Variants in GPHN observed in about 807,000 individuals in gnomAD.
GPHN encodes the protein gephyrin.
In GPHN, 17 loss-of-function variants were observed where a neutral mutation model predicts 95.5. The ratio of observed to expected loss-of-function variants is 0.18; its 90% confidence interval spans 0.12 to 0.27. GPHN has a LOEUF of 0.27. Ranked by LOEUF, GPHN falls within the 10% of genes least tolerant of loss-of-function variation. The pLI, the probability that GPHN is intolerant of heterozygous loss-of-function variation, is 1.00. For missense variants in GPHN, 660 were observed against 978.1 expected (o/e 0.67, Z 4.34); for synonymous variants, 320 against 322.5 (o/e 0.99, Z 0.08).
chr14:67,261,308 C>T, the GPHN span, among the ~76,000 whole-genome samples: 1,305 of 152,078 alleles, frequency 8.6e-3, 13 homozygotes, highest in Non-Finnish European at 0.015. Context: ...TTAAGATGCT[C>T]ATAGAAAAAC....
chr14:67,665,277 T>TC, the GPHN span, among the ~76,000 whole-genome samples: 1 of 142,416 alleles, frequency 7.0e-6, no homozygotes, highest in Non-Finnish European at 1.6e-5. Context: ...TTTTTTTTTT[T>TC]TGAGACAGTC....
At chr14:66,746,940 G>C (rs1326478700) in intron 2 of GPHN, among the ~76,000 whole-genome samples, 1 of 152,070 alleles carries the variant, frequency 6.6e-6, no homozygotes, top group Non-Finnish European at 1.5e-5. Flanking sequence ...TTCAGGGTTT[G>C]GGGCATAGAA....
At chr14:67,318,479 T>C in the GPHN span, among the ~76,000 whole-genome samples, 2 of 152,208 alleles carry the variant, frequency 1.3e-5, no homozygotes, top group Non-Finnish European at 2.9e-5. Flanking sequence ...TAAGAGCTAC[T>C]GTACTGTAGA....
At chr14:67,309,242 A>G in the GPHN span, among the ~76,000 whole-genome samples, 1 of 152,150 alleles carries the variant, frequency 6.6e-6, no homozygotes, top group East Asian at 1.9e-4. Flanking sequence ...AATAATTTTG[A>G]CACTAGCAGG....
the GPHN span, among the ~76,000 whole-genome samples, chr14:67,433,246 A>C: frequency 2.0e-5 from 3 of 152,134 alleles, no homozygotes; most frequent in African/African-American, 4.8e-5. Flanking sequence ...CTGGGCCTGG[A>C]GGGTGGAAGT....
the GPHN span, among the ~76,000 whole-genome samples, chr14:67,422,315 C>A: frequency 6.6e-6 from 1 of 152,264 alleles, no homozygotes; most frequent in South Asian, 2.1e-4. Flanking sequence ...TCTGACCTAA[C>A]GCTTTCCCCT....
At chr14:67,173,562 G>A (rs1196622576) in intron 21 of GPHN, among the ~76,000 whole-genome samples, 1 of 151,870 alleles carries the variant, frequency 6.6e-6, no homozygotes, top group Non-Finnish European at 1.5e-5. Flanking sequence ...GCAAATGAAA[G>A]ACTTTTTCTA....
the GPHN span, among the ~76,000 whole-genome samples, chr14:67,305,541 G>A: frequency 1.3e-5 from 2 of 152,126 alleles, no homozygotes; most frequent in South Asian, 2.1e-4. Flanking sequence ...TCGGCCTCCC[G>A]AAGTGTTGGG....
chr14:66,973,905 T>C (rs1308816952), intron 9 of GPHN, among the ~76,000 whole-genome samples: 2 of 152,260 alleles, frequency 1.3e-5, no homozygotes, highest in Non-Finnish European at 1.5e-5. Context: ...AAATTTTCAC[T>C]GTTTTCTAAA....
chr14:66,521,505 C>T (rs1447939397), intron 1 of GPHN, among the ~76,000 whole-genome samples: 1 of 152,124 alleles, frequency 6.6e-6, no homozygotes, highest in African/African-American at 2.4e-5. Context: ...TTATAAATAA[C>T]AGAAATTTAT....
rs950388023 is a variant in GPHN, at chr14:67,101,317, A to G, written c.1293+406A>G. Among the ~76,000 whole-genome samples, 5 of 152,132 alleles carry G rather than the reference A, an allele frequency of 3.3e-5. 1 individual carries two copies. The South Asian group carries it at 1.0e-3, about 32-fold the overall frequency. ...ACTTTTTAGCTAATTATTTAATTTA[A>G]TTTTTCTCACTTGGGATCTAGCCAG... On this transcript the variant is annotated intron_variant, in intron 13 of 22. Coordinates refer to ENST00000478722, the MANE Select transcript of GPHN (RefSeq NM_020806.5).
At chr14:67,590,249 ATT>A in the GPHN span, 64,620 of 717,750 alleles carry the variant, frequency 0.09, 1 homozygote, top group South Asian at 0.12. Flanking sequence ...CCACTTGCAA[ATT>A]TTTTTTTTTT....
intron 2 of GPHN, among the ~76,000 whole-genome samples, chr14:66,712,658 C>A (rs2093293): frequency 6.6e-6 from 1 of 151,836 alleles, no homozygotes; most frequent in African/African-American, 2.4e-5. Flanking sequence ...CCCATTTGTC[C>A]ATTTTGGCTT....
At chr14:66,965,750 T>A (rs1015265000) in intron 9 of GPHN, among the ~76,000 whole-genome samples, 2 of 152,226 alleles carry the variant, frequency 1.3e-5, no homozygotes, top group African/African-American at 4.8e-5. Flanking sequence ...CTCCCTGCTC[T>A]AGTATCATTC....
chr14:66,636,528 T>C (rs2064106458), intron 1 of GPHN, among the ~76,000 whole-genome samples: 2 of 152,028 alleles, frequency 1.3e-5, no homozygotes, highest in African/African-American at 4.8e-5. Flanking sequence ...TATAGTTGAG[T>C]TATAATATTT....
At chr14:66,841,188 A>T (rs1434613728) in intron 4 of GPHN, among the ~76,000 whole-genome samples, 1 of 152,032 alleles carries the variant, frequency 6.6e-6, no homozygotes, top group Non-Finnish European at 1.5e-5. Context: ...AGAACTGGAG[A>T]TGGTAAGCGC....
intron 10 of GPHN, among the ~76,000 whole-genome samples, chr14:67,031,227 A>G (rs1053210263): frequency 6.6e-6 from 1 of 152,170 alleles, no homozygotes; most frequent in Non-Finnish European, 1.5e-5. Flanking sequence ...GTTTTCTTGC[A>G]TCTTACTATT....
intron 2 of GPHN, among the ~76,000 whole-genome samples, chr14:66,733,436 A>G (rs2071980146): frequency 6.6e-6 from 1 of 151,964 alleles, no homozygotes; most frequent in African/African-American, 2.4e-5. Context: ...CTTAAGAGCC[A>G]TTTTCAGGTA....
the GPHN span, among the ~76,000 whole-genome samples, chr14:67,379,654 CTT>C: frequency 5.0e-5 from 6 of 119,942 alleles, no homozygotes; most frequent in Admixed American, 9.2e-5. Context: ...TTTTCTTTTT[CTT>C]TTTTTTTTTT....
Sources: gnomAD v4.1 joint callset for allele counts (sites outside exome capture counted in the v4.1 genomes callset) on GRCh38, gnomAD v4.1.1 for gene constraint, MANE v1.5 for transcripts, NCBI Gene and HGNC (gene_info 2026-07-23, HGNC 2026-07-21) for gene names.